Variants in EYA3 observed in about 807,000 individuals in gnomAD.
EYA3 encodes EYA transcriptional coactivator and phosphatase 3.
EYA3 carries 39 observed loss-of-function variants against 80.0 expected under a neutral mutation model. The observed-to-expected ratio is 0.49, with a 90% CI of 0.38 to 0.64. The LOEUF (loss-of-function observed/expected upper bound fraction) is 0.64. EYA3 is among the 30% of genes least tolerant of loss of function. The probability of loss-of-function intolerance (pLI) is 0.00; values close to 1 mark genes in which losing one functional copy is unlikely to be tolerated. For synonymous variants in EYA3, 206 were observed against 232.8 expected (o/e 0.88, Z 1.05); for missense variants, 523 against 676.1 (o/e 0.77, Z 2.51).
chr1:27,977,838 A>G (rs1229913031), intron 17 of EYA3, among the ~76,000 whole-genome samples: 11 of 139,070 alleles, frequency 7.9e-5, no homozygotes, highest in African/African-American at 3.0e-4. Context: ...ATAGAGTGAG[A>G]CTCTATCTCA....
intron 7 of EYA3, among the ~76,000 whole-genome samples, chr1:28,026,781 A>C (rs1438200507): frequency 1.3e-5 from 2 of 151,964 alleles, no homozygotes; most frequent in African/African-American, 4.8e-5. Flanking sequence ...AAGAAGAGGA[A>C]ACAAGTGAAG....
At chr1:27,992,439 C>A (rs1471357089) in intron 14 of EYA3, among the ~76,000 whole-genome samples, 1 of 152,148 alleles carries the variant, frequency 6.6e-6, no homozygotes, top group Non-Finnish European at 1.5e-5. Context: ...AAGTGGAGCT[C>A]AGGCAGTAAT....
At chr1:28,079,011 G>A (rs931125366) in intron 1 of EYA3, among the ~76,000 whole-genome samples, 1 of 152,124 alleles carries the variant, frequency 6.6e-6, no homozygotes, top group African/African-American at 2.4e-5. Context: ...GAATTCTTAA[G>A]CCAAGTAATG....
chr1:28,016,256 G>A (rs1023537450), intron 8 of EYA3, among the ~76,000 whole-genome samples: 2 of 152,102 alleles, frequency 1.3e-5, no homozygotes, highest in East Asian at 3.8e-4. Context: ...GGCTGGGCGC[G>A]GTGGCTCACA....
chr1:28,012,979 T>A (rs1056161760), intron 9 of EYA3, 132 bp downstream of exon 9: 2 of 902,420 alleles, frequency 2.2e-6, no homozygotes, highest in African/African-American at 3.3e-5. Flanking sequence ...CCAATACTCC[T>A]CACCTCAGAG....
intron 7 of EYA3, among the ~76,000 whole-genome samples, chr1:28,020,647 T>C (rs1642368212): frequency 6.8e-6 from 1 of 148,050 alleles, no homozygotes; most frequent in African/African-American, 2.5e-5. Context: ...GCCAGGCACT[T>C]TTAAAAAAAT....
intron 3 of EYA3, among the ~76,000 whole-genome samples, chr1:28,043,672 T>C (rs962284252): frequency 3.9e-5 from 6 of 152,128 alleles, no homozygotes; most frequent in African/African-American, 1.4e-4. Flanking sequence ...ACCCCGTCTC[T>C]ACTAAAAATA....
chr1:28,011,947 C>T (rs1571794629), intron 9 of EYA3, among the ~76,000 whole-genome samples: 1 of 151,964 alleles, frequency 6.6e-6, no homozygotes, highest in East Asian at 1.9e-4. Context: ...CTACTTTAAA[C>T]AAAAGGGAAA....
At chr1:28,006,454 C>CCCAGCACTT (rs1481466499) in intron 10 of EYA3, among the ~76,000 whole-genome samples, 1 of 152,152 alleles carries the variant, frequency 6.6e-6, no homozygotes, top group Non-Finnish European at 1.5e-5. Context: ...CGCCTGCAAT[C>CCCAGCACTT]CCAGCACTTT....
intron 1 of EYA3, among the ~76,000 whole-genome samples, chr1:28,074,243 G>A (rs1319893338): frequency 6.6e-6 from 1 of 152,076 alleles, no homozygotes; most frequent in East Asian, 1.9e-4. Context: ...AAATTGAAAT[G>A]GTGGAAGAAT....
intron 3 of EYA3, among the ~76,000 whole-genome samples, chr1:28,047,885 C>T (rs886766986): frequency 2.0e-5 from 3 of 152,156 alleles, no homozygotes; most frequent in South Asian, 2.1e-4. Flanking sequence ...GTGATCTGCC[C>T]GCCTCAGCCT....
chr1:28,006,154 G>C (rs1292173444), intron 10 of EYA3, among the ~76,000 whole-genome samples: 3 of 151,428 alleles, frequency 2.0e-5, no homozygotes, highest in Admixed American at 6.6e-5. Context: ...TTAGTTCTCA[G>C]AACATAAGGA....
At chr1:28,037,619 T>A (rs1371915319) in intron 5 of EYA3, among the ~76,000 whole-genome samples, 1 of 152,206 alleles carries the variant, frequency 6.6e-6, no homozygotes, top group Non-Finnish European at 1.5e-5. Flanking sequence ...AATTTCTTCA[T>A]AATAATCTCA....
chr1:28,007,352 T>C (rs78748481), intron 10 of EYA3, among the ~76,000 whole-genome samples: 12 of 150,786 alleles, frequency 8.0e-5, no homozygotes, highest in Admixed American at 3.3e-4. Context: ...TTTTTTTTTT[T>C]CCGAGACAGT....
rs1464799146 is a variant in EYA3 at position 28,038,723 on chromosome 1, A to G, written c.224+116T>C. 8.9e-6 allele frequency: 5 copies of G among 563,496 alleles called. No homozygotes were observed. In the East Asian group the frequency reaches 1.5e-4, roughly 17 times the overall value. The allele number at this position is 563,496 out of a possible 1,614,324, so 34.9% of individuals were successfully genotyped here. On this transcript the variant is annotated intron_variant, in intron 5 of 17. Transcript: ENST00000373871. ...AATTAAAAATTGGAATGACGATAGAATAAGAGAGGTAAAAATAATTTAAAT... is the reference window on the plus strand; with the variant it reads ...AATTAAAAATTGGAATGACGATAGAGTAAGAGAGGTAAAAATAATTTAAAT...
chr1:27,993,128 A>G (rs550540417), intron 14 of EYA3, among the ~76,000 whole-genome samples: 1 of 152,212 alleles, frequency 6.6e-6, no homozygotes, highest in African/African-American at 2.4e-5. Context: ...GTCATCAAAC[A>G]TAATCTACAG....
Position 28,011,189 on chromosome 1 carries a change from A to T in EYA3, c.770-103T>A. Reference sequence around the variant, plus strand: ...TCTCTGCCCTTGTGAGTCATAATGCAGGGATAAAGGTTGGAAAGCTAAACC... The same window carrying T: ...TCTCTGCCCTTGTGAGTCATAATGCTGGGATAAAGGTTGGAAAGCTAAACC... On this transcript the variant is annotated intron_variant, in intron 9 of 17. Transcript: ENST00000373871. The T allele has an allele frequency of 2.4e-6, 3 of 1,276,384 alleles. No homozygotes were observed. In the South Asian group the frequency reaches 4.5e-5, roughly 19 times the overall value. The allele number at this position is 1,276,384 out of a possible 1,614,324, so 79.1% of individuals were successfully genotyped here.
At chr1:28,041,267 G>T (rs1029917695) in intron 4 of EYA3, among the ~76,000 whole-genome samples, 2 of 152,208 alleles carry the variant, frequency 1.3e-5, no homozygotes, top group Non-Finnish European at 2.9e-5. Context: ...GGAAGGCTGA[G>T]TCAGGAAAAT....
intron 13 of EYA3, among the ~76,000 whole-genome samples, chr1:27,997,024 C>T (rs1434544197): frequency 6.6e-6 from 1 of 152,208 alleles, no homozygotes; most frequent in Non-Finnish European, 1.5e-5. Context: ...GCCTGGCTTG[C>T]TACCCATTCT....
Sources: gnomAD v4.1 joint callset for allele counts (sites outside exome capture counted in the v4.1 genomes callset) on GRCh38, gnomAD v4.1.1 for gene constraint, MANE v1.5 for transcripts, NCBI Gene and HGNC (gene_info 2026-07-23, HGNC 2026-07-21) for gene names.